Variants in SLC51B observed in about 807,000 individuals in gnomAD.
SLC51B encodes the protein SLC51 subunit beta.
SLC51B carries 6 observed loss-of-function variants against 8.0 expected under a neutral mutation model. The observed-to-expected ratio is 0.75, with a 90% CI of 0.41 to 1.48. The LOEUF (loss-of-function observed/expected upper bound fraction) is 1.48. Ranked by LOEUF, SLC51B falls within the 40% of genes most tolerant of loss-of-function variation. The pLI, the probability that SLC51B is intolerant of heterozygous loss-of-function variation, is 0.01. For missense variants in SLC51B, 150 were observed against 149.7 expected (o/e 1.00, Z -0.01); for synonymous variants, 61 against 54.8 (o/e 1.11, Z -0.50).
chr15:65,051,463 T>G, intron 2 of SLC51B, 52 bp from the exon 3 acceptor site: 136 of 1,566,732 alleles, frequency 8.7e-5, no homozygotes, highest in Non-Finnish European at 1.1e-4. Flanking sequence ...TTAGCGGGCT[T>G]GAGAGGTGCC....
At chr15:65,052,695 T>C (rs11071825) in intron 3 of SLC51B, among the ~76,000 whole-genome samples, 71,190 of 151,858 alleles carry the variant, frequency 0.47, 17,346 homozygotes, top group East Asian at 0.78. Flanking sequence ...CTGCACCTGG[T>C]CTCCTTGAAG....
intron 1 of SLC51B, among the ~76,000 whole-genome samples, chr15:65,046,013 A>G (rs1015935155): frequency 3.3e-5 from 5 of 150,540 alleles, no homozygotes; most frequent in African/African-American, 1.2e-4. Context: ...TAAAAATACA[A>G]AATTGGCCGG....
At chr15:65,051,490 CTCTG>C (rs1295231470) in intron 2 of SLC51B, 21 bp from the exon 3 acceptor site, 8 of 1,610,774 alleles carry the variant, frequency 5.0e-6, no homozygotes, top group Non-Finnish European at 6.8e-6. Context: ...TTCCTCAGGG[CTCTG>C]TCCTGTGTGT....
Position 65,049,955 on chromosome 15 carries a change from G to A in SLC51B, c.-50G>A, listed in dbSNP as rs1374134766. The A allele has an allele frequency of 2.1e-6, 3 of 1,457,100 alleles. No individual in the cohort carries two copies. The highest frequency in any genetic ancestry group is 3.6e-4 in the Middle Eastern group (2 of 5,592). 90.3% of individuals were successfully genotyped at this position (1,457,100 alleles called of 1,614,324 possible). ...ACCGAGGAGGCCAGGAGGGCTGCTGGGGCTAAGGGGTCTAAGGACCTCGTT... is the reference window on the plus strand; with the variant it reads ...ACCGAGGAGGCCAGGAGGGCTGCTGAGGCTAAGGGGTCTAAGGACCTCGTT... On this transcript the variant is annotated 5_prime_UTR_variant, in exon 2 of 4. Transcript: ENST00000334287.
chr15:65,046,648 C>T (rs1029600651), intron 1 of SLC51B, among the ~76,000 whole-genome samples: 4 of 152,156 alleles, frequency 2.6e-5, no homozygotes, highest in Admixed American at 6.5e-5. Flanking sequence ...CGCGGTGGCT[C>T]ATGCCTGTAA....
chr15:65,051,553 G>A lies in SLC51B; in HGVS notation c.136G>A (p.Val46Met). 6.2e-7 allele frequency: 1 copy of A among 1,613,818 alleles called. No homozygotes were observed. Among genetic ancestry groups the A allele is most frequent in the Admixed American group, 1.7e-5 (1 of 60,008 alleles). ...WNHSILALAA[V>M]VVIISMVLLG... ...TCATTCCATCCTTGCCCTGGCAGCT[G>A]TGGTGGTCATTATAAGCATGGTCCT... is the stretch of plus-strand genomic sequence containing the variant. Residue 46 changes from valine to methionine, a missense_variant, in exon 3 of 4, where the codon GTG (valine) becomes ATG (methionine). By Grantham distance (21) the Val-to-Met change is conservative. Coordinates refer to ENST00000334287, the MANE Select transcript of SLC51B (RefSeq NM_178859.4).
chr15:65,046,932 AAC>A (rs1189257217), intron 1 of SLC51B, among the ~76,000 whole-genome samples: 1 of 152,020 alleles, frequency 6.6e-6, no homozygotes, highest in East Asian at 1.9e-4. Flanking sequence ...AAAACAAAAA[AAC>A]ACCACTCCAC....
chr15:65,053,216 C>T lies in SLC51B; in HGVS notation c.*52C>T. On this transcript the variant is annotated 3_prime_UTR_variant, in exon 4 of 4. Transcript: ENST00000334287. ...AGCCAGACACATGATGTGGGCTCAG[C>T]TCAGTGGCCTGAAACCTCTCAGGTT... 1.9e-6 allele frequency: 3 copies of T among 1,593,050 alleles called. No homozygotes were observed. The highest frequency in any genetic ancestry group is 2.6e-6 in the Non-Finnish European group (3 of 1,171,072).
intron 3 of SLC51B, among the ~76,000 whole-genome samples, 162 bp downstream of exon 3, chr15:65,051,767 A>AAAACAAACAAACAAAC (rs58082384): frequency 2.7e-5 from 4 of 150,492 alleles, no homozygotes; most frequent in South Asian, 2.1e-4. Flanking sequence ...CAAGCTGTTA[A>AAAACAAACAAACAAAC]AAACAAACAA....
intron 1 of SLC51B, chr15:65,049,128 A>C (rs758917009): frequency 2.6e-5 from 4 of 152,044 alleles, no homozygotes; most frequent in Admixed American, 2.0e-4. Context: ...GATGCTAGAA[A>C]ATTTTATATT....
rs773485176 is a variant in SLC51B, at chr15:65,045,485, A to C, written c.-206A>C. The C allele has an allele frequency of 3.3e-5, 5 of 152,248 alleles. No homozygotes were observed. Among genetic ancestry groups the C allele is most frequent in the Non-Finnish European group, 7.3e-5 (5 of 68,056 alleles). The allele number at this position is 152,248 out of a possible 1,614,324, so 9.4% of individuals were successfully genotyped here. On this transcript the variant is annotated 5_prime_UTR_variant, in exon 1 of 4. Coordinates refer to ENST00000334287, the MANE Select transcript of SLC51B (RefSeq NM_178859.4). ...CTGGGAGAGCTCAAGTGCAAAGACT[A>C]TCCTGTTCTCCCATAAAGAGGAGGA...
intron 3 of SLC51B, among the ~76,000 whole-genome samples, chr15:65,052,099 G>A (rs2086661317): frequency 6.6e-6 from 1 of 152,218 alleles, no homozygotes; most frequent in Non-Finnish European, 1.5e-5. Context: ...GAGTTATTAA[G>A]GAAGTGGGCA....
At chr15:65,049,858 G>A in intron 1 of SLC51B, 39 bp from the exon 2 acceptor site, 2 of 525,456 alleles carry the variant, frequency 3.8e-6, no homozygotes, top group Non-Finnish European at 6.6e-6. Flanking sequence ...GATCAAACTC[G>A]GGTGGGATAT....
rs2086682740 is a variant in SLC51B at position 65,053,387 on chromosome 15, G to A, written c.*223G>A. On this transcript the variant is annotated 3_prime_UTR_variant, in exon 4 of 4. Coordinates refer to ENST00000334287, the MANE Select transcript of SLC51B (RefSeq NM_178859.4). ...TTAAAATGCTCCTGGAAGGGAGCAG[G>A]TGGTATTGCATAGTTTGTTCAGATG... 2.2e-6 allele frequency: 3 copies of A among 1,368,964 alleles called. No homozygotes were observed. The highest frequency in any genetic ancestry group is 2.9e-5 in the East Asian group (1 of 34,162). The allele number at this position is 1,368,964 out of a possible 1,614,324, so 84.8% of individuals were successfully genotyped here.
At position 65,045,561 on chromosome 15, in the gene SLC51B, C is replaced by T. The variant is rs1426438787; in HGVS notation, c.-130C>T. 4 of 152,250 alleles carry T rather than the reference C, an allele frequency of 2.6e-5. No homozygotes were observed. Among genetic ancestry groups the T allele is most frequent in the Non-Finnish European group, 5.9e-5 (4 of 68,076 alleles). 9.4% of individuals were successfully genotyped at this position (152,250 alleles called of 1,614,324 possible). On this transcript the variant is annotated 5_prime_UTR_variant, in exon 1 of 4. Coordinates refer to ENST00000334287, the MANE Select transcript of SLC51B (RefSeq NM_178859.4). ...GCTCCCAACAGCAGATCAAGGCAGT[C>T]GTCAGGAACTCAGGATCCGGGGTGA...
At chr15:65,052,660 G>A (rs962815700) in intron 3 of SLC51B, among the ~76,000 whole-genome samples, 1 of 152,082 alleles carries the variant, frequency 6.6e-6, no homozygotes, top group Non-Finnish European at 1.5e-5. Flanking sequence ...GCCTCCCAAA[G>A]TGCTGGGATT....
intron 3 of SLC51B, 103 bp from the exon 4 acceptor site, chr15:65,052,863 T>G: frequency 9.7e-7 from 1 of 1,034,678 alleles, no homozygotes; most frequent in Non-Finnish European, 1.4e-6. Flanking sequence ...GCTCCCAAAC[T>G]GCATAGAGAA....
At chr15:65,050,125 AG>A in intron 2 of SLC51B, 24 bp downstream of exon 2, 1 of 1,542,228 alleles carries the variant, frequency 6.5e-7, no homozygotes, top group Non-Finnish European at 8.8e-7. Context: ...GATTGACGGC[AG>A]GGGTGGGGGT....
At chr15:65,050,532 G>A (rs1434329041) in intron 2 of SLC51B, among the ~76,000 whole-genome samples, 1 of 152,234 alleles carries the variant, frequency 6.6e-6, no homozygotes, top group Non-Finnish European at 1.5e-5. Flanking sequence ...AGCAAGGGCA[G>A]TAATGTGGTC....
Sources: allele counts gnomAD v4.1 joint callset (sites outside exome capture counted in the v4.1 genomes callset), GRCh38; gene constraint gnomAD v4.1.1; transcripts MANE v1.5; gene names NCBI Gene and HGNC (gene_info 2026-07-23, HGNC 2026-07-21).